Variants in HAP1 observed in about 807,000 individuals in gnomAD.
The protein encoded by HAP1 is huntingtin associated protein 1.
Under a neutral mutation model 60.3 loss-of-function variants are expected in HAP1, and 59 were observed. The observed-to-expected ratio is 0.98, with a 90% CI of 0.79 to 1.22. The LOEUF is 1.22. HAP1 is among the 50% of genes most tolerant of loss of function. The pLI is 0.00. For synonymous variants in HAP1, 346 were observed against 330.6 expected (o/e 1.05, Z -0.50); for missense variants, 825 against 785.3 (o/e 1.05, Z -0.60).
At chr17:41,725,965 C>A in intron 9 of HAP1, 68 bp from the exon 10 acceptor site, 1 of 1,202,356 alleles carries the variant, frequency 8.3e-7, no homozygotes, top group South Asian at 1.2e-5. Flanking sequence ...GGGGCTTGGT[C>A]AAGCTGAAGA....
Position 41,734,146 on chromosome 17 carries a change from A to C in HAP1, c.469+20T>G. 6.4e-7 allele frequency: 1 copy of C among 1,551,416 alleles called. No homozygotes were observed. The highest frequency in any genetic ancestry group is 8.7e-7 in the Non-Finnish European group (1 of 1,143,240). On this transcript the variant is annotated intron_variant, in intron 1 of 10. Transcript: ENST00000347901. Reference sequence around the variant, plus strand: ...TGCCCCAGTCCCCACCCGGTCCAGGACCCCGGGGGCCCGATTTACCTTCCT... The same window carrying C: ...TGCCCCAGTCCCCACCCGGTCCAGGCCCCCGGGGGCCCGATTTACCTTCCT...
intron 9 of HAP1, among the ~76,000 whole-genome samples, 176 bp downstream of exon 9, chr17:41,726,877 T>A (rs1237254254): frequency 2.0e-5 from 3 of 147,992 alleles, no homozygotes; most frequent in Non-Finnish European, 4.5e-5. Context: ...AAAAAAAAAA[T>A]ACCTCAGGGG....
At chr17:41,722,361 G>A (rs1555587287), downstream of HAP1, 1 of 152,150 alleles carries the variant, frequency 6.6e-6, no homozygotes, top group Non-Finnish European at 1.5e-5. Context: ...CAGTCTCTGG[G>A]GTGAAAGGAT....
intron 6 of HAP1, 95 bp from the exon 7 acceptor site, chr17:41,728,426 C>T: frequency 8.6e-7 from 1 of 1,161,438 alleles, no homozygotes; most frequent in Non-Finnish European, 1.2e-6. Flanking sequence ...CCACCCTCGG[C>T]TGCTGCGCTG....
intron 7 of HAP1, 122 bp downstream of exon 7, chr17:41,728,067 AAGGGGCTCTCTG>A: frequency 9.3e-7 from 1 of 1,069,634 alleles, no homozygotes; most frequent in Non-Finnish European, 1.4e-6. Context: ...GGGTCAAGAT[AAGGGGCTCTCTG>A]AGGTCTCTGA....
At chr17:41,726,228 C>T (rs115858186) in intron 9 of HAP1, among the ~76,000 whole-genome samples, 335 of 152,240 alleles carry the variant, frequency 2.2e-3, no homozygotes, top group African/African-American at 8.0e-3. Context: ...GCCTGGCCAA[C>T]ATCTCTACTG....
chr17:41,719,068 TC>T (rs1911094070), downstream of HAP1, among the ~76,000 whole-genome samples: 1 of 152,244 alleles, frequency 6.6e-6, no homozygotes, highest in African/African-American at 2.4e-5. Flanking sequence ...AACCTCCACC[TC>T]CCAGGTTCAA....
intron 4 of HAP1, 68 bp from the exon 5 acceptor site, chr17:41,731,811 C>A: frequency 8.5e-7 from 1 of 1,177,984 alleles, no homozygotes; most frequent in Non-Finnish European, 1.3e-6. Context: ...CCCACCAGGG[C>A]TAAGGGCAGT....
chr17:41,727,206 G>A (rs1911720468), intron 8 of HAP1, 62 bp from the exon 9 acceptor site: 3 of 878,904 alleles, frequency 3.4e-6, no homozygotes, highest in African/African-American at 1.6e-5. Context: ...CATAGGCTCA[G>A]GCACAGAAGG....
At chr17:41,733,759 C>T (rs955389600) in intron 1 of HAP1, among the ~76,000 whole-genome samples, 2 of 149,684 alleles carry the variant, frequency 1.3e-5, no homozygotes, top group Non-Finnish European at 3.0e-5. Context: ...TCCCCCTCCG[C>T]CCGCCCACCC....
downstream of HAP1, chr17:41,722,504 C>A: frequency 6.6e-6 from 1 of 152,382 alleles, no homozygotes; most frequent in Non-Finnish European, 1.5e-5. Flanking sequence ...CCTCTAGGAG[C>A]TGCTGCTATG....
At position 41,724,111 on chromosome 17, in the gene HAP1, G is replaced by A. The variant is rs1490448767; in HGVS notation, c.*590C>T. On this transcript the variant is annotated 3_prime_UTR_variant, in exon 11 of 11. Coordinates refer to ENST00000347901, the MANE Select transcript of HAP1 (RefSeq NM_177977.3). Reference sequence around the variant, plus strand: ...GGAAGGTGCAGCTCCCAGACTTTGGGGTTTCTGGCTGGGGAGAGGAGACCC... The same window carrying A: ...GGAAGGTGCAGCTCCCAGACTTTGGAGTTTCTGGCTGGGGAGAGGAGACCC... 6.5e-6 allele frequency: 1 copy of A among 153,252 alleles called. No homozygotes were observed. Among genetic ancestry groups the A allele is most frequent in the Admixed American group, 6.5e-5 (1 of 15,332 alleles). 9.5% of individuals were successfully genotyped at this position (153,252 alleles called of 1,614,324 possible).
intron 4 of HAP1, 40 bp downstream of exon 4, chr17:41,731,897 C>T (rs782814538): frequency 1.2e-6 from 1 of 830,068 alleles, no homozygotes; most frequent in Non-Finnish European, 2.0e-6. Flanking sequence ...GAAATTGAGG[C>T]TCAGAGAAAG....
chr17:41,729,536 G>C (rs68095095), intron 6 of HAP1, among the ~76,000 whole-genome samples: 100,202 of 100,474 alleles, frequency 1, 49,965 homozygotes, highest in Middle Eastern at 1. Context: ...GGTTACAGAG[G>C]GAGCCTCCTT....
chr17:41,728,177 G>A, intron 7 of HAP1, 24 bp downstream of exon 7: 1 of 1,606,342 alleles, frequency 6.2e-7, no homozygotes, highest in Non-Finnish European at 8.5e-7. Context: ...CACGACAAGA[G>A]GGTTCCACAC....
chr17:41,724,517 A>G lies in HAP1; in HGVS notation c.*184T>C, dbSNP rs1911447497. 4 of 587,166 alleles carry G rather than the reference A, an allele frequency of 6.8e-6. No homozygotes were observed. The highest frequency in any genetic ancestry group is 1.2e-5 in the Non-Finnish European group (4 of 331,238). 36.4% of individuals were successfully genotyped at this position (587,166 alleles called of 1,614,324 possible). A position where few individuals can be genotyped will look rare whatever the true frequency, so the allele number is the denominator to read the frequency against. On this transcript the variant is annotated 3_prime_UTR_variant, in exon 11 of 11. Coordinates refer to ENST00000347901, the MANE Select transcript of HAP1 (RefSeq NM_177977.3). ...AACCCCCAGCCCAGCCCCCAGGAGA[A>G]AAGTGGATGGAGATCTGGAATCCTA...
downstream of HAP1, chr17:41,722,522 G>A (rs781838619): frequency 5.3e-5 from 8 of 152,326 alleles, no homozygotes; most frequent in Non-Finnish European, 7.3e-5. Context: ...ATGATTAAAC[G>A]GCGTATTTAA....
At chr17:41,727,178 C>G in intron 8 of HAP1, 34 bp from the exon 9 acceptor site, 1 of 1,086,370 alleles carries the variant, frequency 9.2e-7, no homozygotes. Context: ...ACCAGAGGAC[C>G]CCCACAGAAC....
At chr17:41,727,973 C>A in intron 7 of HAP1, 137 bp from the exon 8 acceptor site, 1 of 702,530 alleles carries the variant, frequency 1.4e-6, no homozygotes, top group Non-Finnish European at 2.4e-6. Context: ...GGAAGGAGGG[C>A]AAAGAAGGCA....
Sources: gnomAD v4.1 joint callset for allele counts (sites outside exome capture counted in the v4.1 genomes callset) on GRCh38, gnomAD v4.1.1 for gene constraint, MANE v1.5 for transcripts, NCBI Gene and HGNC (gene_info 2026-07-23, HGNC 2026-07-21) for gene names.